STPG4: variants seen among roughly 807,000 people sequenced by gnomAD.
The protein encoded by STPG4 is sperm-tail PG-rich repeat containing 4, also known as protein STPG4.
A neutral mutation model predicts 31.5 loss-of-function variants in STPG4; 41 were observed. That is an observed-to-expected ratio of 1.30 (90% CI 1.01 to 1.69). STPG4 has a LOEUF of 1.69. STPG4 is among the 40% of genes most tolerant of loss of function. STPG4 has a pLI of 0.00. For synonymous variants in STPG4, 141 were observed against 103.0 expected (o/e 1.37, Z -2.24); for missense variants, 375 against 293.4 (o/e 1.28, Z -2.03).
intron 1 of STPG4, 123 bp downstream of exon 1, chr2:47,155,048 G>C: frequency 1.2e-6 from 1 of 833,776 alleles, no homozygotes; most frequent in Non-Finnish European, 2.0e-6. Context: ...AGGGCAGGGA[G>C]AGAAGGGTAG....
chr2:47,148,095 G>A (rs189341120), intron 3 of STPG4, among the ~76,000 whole-genome samples: 154 of 152,046 alleles, frequency 1.0e-3, no homozygotes, highest in African/African-American at 3.3e-3. Context: ...GGGATTACAG[G>A]CCTGTGCCAC....
At chr2:47,110,656 A>G (rs761707516) in intron 5 of STPG4, among the ~76,000 whole-genome samples, 3 of 152,226 alleles carry the variant, frequency 2.0e-5, no homozygotes, top group Non-Finnish European at 4.4e-5. Context: ...AATATAAGCA[A>G]TCACCTTTAG....
intron 5 of STPG4, among the ~76,000 whole-genome samples, chr2:47,091,672 G>T (rs1313346867): frequency 2.0e-5 from 3 of 152,170 alleles, no homozygotes; most frequent in Non-Finnish European, 4.4e-5. Context: ...ATTGAACATT[G>T]TTGAATTGTT....
intron 5 of STPG4, among the ~76,000 whole-genome samples, chr2:47,125,341 C>T (rs1228536043): frequency 2.0e-5 from 3 of 152,100 alleles, no homozygotes; most frequent in African/African-American, 7.2e-5. Flanking sequence ...GGATTGCTTA[C>T]ACTAGGGAGG....
At chr2:47,129,760 A>G in intron 5 of STPG4, 181 bp downstream of exon 5, 1 of 663,532 alleles carries the variant, frequency 1.5e-6, no homozygotes. Context: ...GCGATCCCAC[A>G]CTTGCTTTTT....
chr2:47,125,774 G>C (rs1686354911), intron 5 of STPG4, among the ~76,000 whole-genome samples: 1 of 151,580 alleles, frequency 6.6e-6, no homozygotes, highest in African/African-American at 2.4e-5. Flanking sequence ...GCCCAGGCTG[G>C]TCTCGAATTC....
chr2:47,108,188 C>G (rs1272188850), intron 5 of STPG4, among the ~76,000 whole-genome samples: 1 of 151,526 alleles, frequency 6.6e-6, no homozygotes, highest in Admixed American at 6.6e-5. Flanking sequence ...CCTGTCAAAA[C>G]AGACCACTCG....
intron 3 of STPG4, among the ~76,000 whole-genome samples, chr2:47,130,977 G>A (rs1202610427): frequency 6.6e-6 from 1 of 151,600 alleles, no homozygotes; most frequent in African/African-American, 2.4e-5. Flanking sequence ...ACTGCACCCA[G>A]CTACTTTTTT....
chr2:47,109,802 T>C (rs1000199774), intron 5 of STPG4, among the ~76,000 whole-genome samples: 3 of 152,226 alleles, frequency 2.0e-5, no homozygotes, highest in Non-Finnish European at 4.4e-5. Context: ...TAGTTTTTAA[T>C]TGAATTCATT....
intron 5 of STPG4, among the ~76,000 whole-genome samples, chr2:47,094,500 G>A (rs938966625): frequency 2.0e-5 from 3 of 152,160 alleles, no homozygotes; most frequent in African/African-American, 4.8e-5. Context: ...TTTAACCAAC[G>A]GGAGCTGTAA....
intron 3 of STPG4, among the ~76,000 whole-genome samples, chr2:47,139,653 C>G (rs1573192435): frequency 6.6e-6 from 1 of 152,190 alleles, no homozygotes; most frequent in East Asian, 1.9e-4. Context: ...GTATAGATCT[C>G]ACGAATCAGA....
intron 5 of STPG4, among the ~76,000 whole-genome samples, chr2:47,105,524 A>C (rs1685891353): frequency 6.6e-6 from 1 of 152,012 alleles, no homozygotes; most frequent in Non-Finnish European, 1.5e-5. Context: ...GAGGATGGGG[A>C]ACCAATCGAA....
intron 5 of STPG4, among the ~76,000 whole-genome samples, chr2:47,093,554 A>G (rs2103728000): frequency 6.6e-6 from 1 of 152,332 alleles, no homozygotes; most frequent in South Asian, 2.1e-4. Context: ...GGCCATCTGC[A>G]GAATGGCTAA....
At chr2:47,147,356 TA>T (rs1573199594) in intron 3 of STPG4, among the ~76,000 whole-genome samples, 1 of 152,260 alleles carries the variant, frequency 6.6e-6, no homozygotes, top group East Asian at 1.9e-4. Flanking sequence ...ATTGACAGTG[TA>T]TGCAGGGAAT....
intron 6 of STPG4, 32 bp downstream of exon 6, chr2:47,090,238 G>T: frequency 2.8e-6 from 4 of 1,445,124 alleles, no homozygotes; most frequent in Non-Finnish European, 3.8e-6. Context: ...ACCCCTAGGG[G>T]TGGGGGGCGA....
At chr2:47,117,569 C>T (rs1686177826) in intron 5 of STPG4, among the ~76,000 whole-genome samples, 1 of 152,106 alleles carries the variant, frequency 6.6e-6, no homozygotes. Context: ...TTTCAAGTTC[C>T]CACATTAGCC....
At chr2:47,087,271 C>T (rs1389832307) in intron 6 of STPG4, 141 bp from the exon 7 acceptor site, 6 of 897,904 alleles carry the variant, frequency 6.7e-6, no homozygotes, top group Non-Finnish European at 8.3e-6. Flanking sequence ...GGGCTGAAGC[C>T]TGGCAGACCC....
At chr2:47,150,889 C>T (rs142246001) in intron 3 of STPG4, among the ~76,000 whole-genome samples, 49 of 152,162 alleles carry the variant, frequency 3.2e-4, no homozygotes, top group Admixed American at 1.9e-3. Context: ...GGATACTCCC[C>T]GAGAGGCAGG....
At chr2:47,143,791 C>G (rs1452165872) in intron 3 of STPG4, among the ~76,000 whole-genome samples, 1 of 152,090 alleles carries the variant, frequency 6.6e-6, no homozygotes, top group Non-Finnish European at 1.5e-5. Flanking sequence ...TCTGGCCACC[C>G]TTTGCTCATT....
Sources: gnomAD v4.1 joint callset for allele counts (sites outside exome capture counted in the v4.1 genomes callset) on GRCh38, gnomAD v4.1.1 for gene constraint, MANE v1.5 for transcripts, NCBI Gene and HGNC (gene_info 2026-07-23, HGNC 2026-07-21) for gene names.